The following PLXNA4 variants were observed in gnomAD, a reference collection of about 807,000 sequenced individuals.
PLXNA4 encodes the protein plexin A4.
In PLXNA4, 44 loss-of-function variants were observed where a neutral mutation model predicts 191.8. The ratio of observed to expected loss-of-function variants is 0.23; its 90% CI spans 0.18 to 0.29. PLXNA4 has a LOEUF of 0.29. Ranked by LOEUF, PLXNA4 falls within the 10% of genes least tolerant of loss-of-function variation. The probability of loss-of-function intolerance (pLI) is 1.00; values close to 1 mark genes in which losing one functional copy is unlikely to be tolerated. For missense variants in PLXNA4, 1,800 were observed against 2,488.8 expected, an observed-to-expected ratio of 0.72 and a Z score of 5.89; for synonymous variants, 1,082 against 1,009.5, an observed-to-expected ratio of 1.07 and a Z score of -1.36.
chr7:132,187,899 C>T (rs1796932579), intron 14 of PLXNA4, among the ~76,000 whole-genome samples: 1 of 151,962 alleles, frequency 6.6e-6, no homozygotes, highest in African/African-American at 2.4e-5. Context: ...GTATATATCC[C>T]TATATACACA....
At chr7:132,566,193 T>C (rs1332866104) in intron 1 of PLXNA4, among the ~76,000 whole-genome samples, 1 of 152,132 alleles carries the variant, frequency 6.6e-6, no homozygotes, top group Non-Finnish European at 1.5e-5. Flanking sequence ...GCTCTATAAT[T>C]GGGCACGTGA....
chr7:132,555,565 G>A (rs1308782539), intron 1 of PLXNA4, among the ~76,000 whole-genome samples: 1 of 152,206 alleles, frequency 6.6e-6, no homozygotes, highest in Non-Finnish European at 1.5e-5. Flanking sequence ...CAGTGTGCAA[G>A]CTATTTCCCA....
At chr7:132,443,984 T>C (rs1334907416) in intron 3 of PLXNA4, among the ~76,000 whole-genome samples, 2 of 152,248 alleles carry the variant, frequency 1.3e-5, no homozygotes, top group Non-Finnish European at 2.9e-5. Flanking sequence ...CTCAGTGAAC[T>C]GGGTGGGATC....
intron 14 of PLXNA4, among the ~76,000 whole-genome samples, chr7:132,193,572 T>C (rs1797160033): frequency 6.6e-6 from 1 of 152,156 alleles, no homozygotes; most frequent in African/African-American, 2.4e-5. Flanking sequence ...CAAATGATAC[T>C]AGAAGTCATA....
intron 1 of PLXNA4, among the ~76,000 whole-genome samples, chr7:132,562,317 T>C (rs1272866920): frequency 1.1e-3 from 71 of 65,858 alleles, no homozygotes; most frequent in Middle Eastern, 0.02. Flanking sequence ...CTTCCTCCTC[T>C]TCCTCCTCCT....
At chr7:132,214,888 C>T (rs539783542) in intron 9 of PLXNA4, among the ~76,000 whole-genome samples, 9 of 152,144 alleles carry the variant, frequency 5.9e-5, no homozygotes, top group Non-Finnish European at 1.3e-4. Context: ...AATTCCTCTC[C>T]CAAATGACCA....
chr7:132,589,952 A>G (rs924992465), intron 2 of PLXNA4, among the ~76,000 whole-genome samples: 3 of 152,226 alleles, frequency 2.0e-5, no homozygotes, highest in Admixed American at 1.3e-4. Context: ...GACGCAGAAG[A>G]GAGAAAATAC....
chr7:132,643,834 T>C (rs1321990191), intron 2 of PLXNA4, among the ~76,000 whole-genome samples: 1 of 151,976 alleles, frequency 6.6e-6, no homozygotes. Context: ...TGCTTATAGT[T>C]CCTGATACTG....
At position 132,484,253 on chromosome 7, in the gene PLXNA4, C is replaced by T. The variant is rs573086846; in HGVS notation, c.1371+5039G>A. The stretch of plus-strand genomic sequence containing the variant: ...GCCCATGAGAAGTGGATACATTGGT[C>T]TGAGGCAAGATCAGTCTGAAGGGCC... On this transcript the variant is annotated intron_variant, in intron 3 of 31. Coordinates refer to ENST00000321063, the MANE Select transcript of PLXNA4 (RefSeq NM_020911.2). Among the ~76,000 whole-genome samples, 7 of 152,284 alleles carry T rather than the reference C, an allele frequency of 4.6e-5. No homozygotes were observed. The South Asian group carries it at 1.5e-3, about 32-fold the overall frequency.
intron 3 of PLXNA4, among the ~76,000 whole-genome samples, chr7:132,424,858 T>C (rs1270638272): frequency 6.6e-6 from 1 of 152,192 alleles, no homozygotes. Context: ...AGCTGTCAAA[T>C]CTTGTGCTAG....
chr7:132,201,249 C>T (rs1036814574), intron 12 of PLXNA4, among the ~76,000 whole-genome samples: 2 of 151,354 alleles, frequency 1.3e-5, no homozygotes, highest in African/African-American at 2.4e-5. Flanking sequence ...TGATCTTGAC[C>T]GTCTACCTCC....
intron 19 of PLXNA4, 133 bp downstream of exon 19, chr7:132,180,453 C>T (rs927369172): frequency 2.2e-6 from 3 of 1,373,986 alleles, no homozygotes; most frequent in South Asian, 1.5e-5. Context: ...GAAGAAAGAA[C>T]TTGGGGTGTG....
intron 2 of PLXNA4, among the ~76,000 whole-genome samples, chr7:132,490,850 G>A (rs1005684637): frequency 2.6e-5 from 4 of 152,180 alleles, no homozygotes; most frequent in Admixed American, 2.0e-4. Context: ...TCAGAAGTCA[G>A]GAAGCTTTGG....
In PLXNA4 at chr7:132,419,789, G is replaced by A. The variant is rs558289044; in HGVS notation, c.1371+69503C>T. The stretch of plus-strand genomic sequence containing the variant: ...TCTGTCACAACCACTCAACATTTCC[G>A]TTGCAGCATGACAGCTGCCACAGAC... On this transcript the variant is annotated intron_variant, in intron 3 of 31. Coordinates refer to ENST00000321063, the MANE Select transcript of PLXNA4 (RefSeq NM_020911.2). Among the ~76,000 whole-genome samples the A allele has an allele frequency of 3.3e-5, 5 of 152,300 alleles. No homozygotes were observed. The East Asian group carries it at 7.7e-4, about 23-fold the overall frequency.
intron 4 of PLXNA4, among the ~76,000 whole-genome samples, chr7:132,294,487 T>C (rs935698844): frequency 7.2e-5 from 11 of 152,286 alleles, no homozygotes; most frequent in African/African-American, 2.6e-4. Context: ...TGACACTATC[T>C]AACTCAAACT....
intron 3 of PLXNA4, among the ~76,000 whole-genome samples, chr7:132,356,291 T>C (rs908828033): frequency 6.6e-6 from 1 of 152,162 alleles, no homozygotes; most frequent in Non-Finnish European, 1.5e-5. Context: ...AATGGCAAAG[T>C]TGGGTTTATA....
intron 3 of PLXNA4, among the ~76,000 whole-genome samples, chr7:132,309,176 G>A (rs571964351): frequency 2.4e-4 from 37 of 152,320 alleles, no homozygotes; most frequent in Admixed American, 5.2e-4. Flanking sequence ...TAACTCAGGA[G>A]AGACTCAGAA....
chr7:132,549,393 G>T (rs1466297480), intron 1 of PLXNA4, among the ~76,000 whole-genome samples: 1 of 152,080 alleles, frequency 6.6e-6, no homozygotes, highest in Non-Finnish European at 1.5e-5. Context: ...CACCCTTGAG[G>T]TGTCTTGGTA....
At chr7:132,251,070 AC>A in intron 4 of PLXNA4, among the ~76,000 whole-genome samples, 1 of 78,642 alleles carries the variant, frequency 1.3e-5, no homozygotes, top group East Asian at 3.4e-4. Context: ...TTTTTTTTTG[AC>A]TCTGTGTACA....
Sources: allele counts gnomAD v4.1 joint callset (sites outside exome capture counted in the v4.1 genomes callset), GRCh38; gene constraint gnomAD v4.1.1; transcripts MANE v1.5; gene names NCBI Gene and HGNC (gene_info 2026-07-23, HGNC 2026-07-21).